ANK3: variants seen among roughly 807,000 people sequenced by gnomAD.
ANK3 encodes the protein ankyrin 3.
A neutral mutation model predicts 370.9 loss-of-function variants in ANK3; 57 were observed. The ratio of observed to expected loss-of-function variants is 0.15; its 90% CI spans 0.12 to 0.19. The LOEUF is 0.19. ANK3 is among the 10% of genes least tolerant of loss of function. The probability of loss-of-function intolerance (pLI) is 1.00; values close to 1 mark genes in which losing one functional copy is unlikely to be tolerated. For synonymous variants in ANK3, 1,929 were observed against 1,946.3 expected (o/e 0.99, Z 0.23); for missense variants, 4,439 against 5,302.1 (o/e 0.84, Z 5.06).
At chr10:60,571,054 G>GTTTTT in intron 2 of ANK3, among the ~76,000 whole-genome samples, 1 of 99,046 alleles carries the variant, frequency 1.0e-5, no homozygotes, top group Non-Finnish European at 2.1e-5. Context: ...AAACCTGACA[G>GTTTTT]GTTTTTTTTT....
chr10:60,313,517 C>A (rs888316939), intron 1 of ANK3, among the ~76,000 whole-genome samples: 3 of 152,132 alleles, frequency 2.0e-5, no homozygotes, highest in Non-Finnish European at 2.9e-5. Context: ...CAGCTTATCT[C>A]TTTGCCTGTC....
intron 2 of ANK3, among the ~76,000 whole-genome samples, chr10:60,517,932 A>T (rs1196904272): frequency 6.6e-6 from 1 of 152,104 alleles, no homozygotes; most frequent in East Asian, 1.9e-4. Flanking sequence ...AAACTCAGCC[A>T]AGTTGCTTAA....
chr10:60,450,355 A>AT (rs1265531962), intron 2 of ANK3, among the ~76,000 whole-genome samples: 1 of 152,154 alleles, frequency 6.6e-6, no homozygotes, highest in African/African-American at 2.4e-5. Flanking sequence ...GCCACTTTCC[A>AT]TGATGTAAAT....
chr10:60,490,473 A>G (rs560960612), intron 2 of ANK3, among the ~76,000 whole-genome samples: 1 of 148,308 alleles, frequency 6.7e-6, no homozygotes, highest in South Asian at 2.2e-4. Flanking sequence ...TTCCCTGTGA[A>G]AAATCAGGAA....
At chr10:60,148,328 C>T (rs1046370027) in intron 23 of ANK3, among the ~76,000 whole-genome samples, 2 of 151,970 alleles carry the variant, frequency 1.3e-5, no homozygotes, top group African/African-American at 4.8e-5. Context: ...TGTTTATTAA[C>T]CCAAACAAGA....
chr10:60,492,706 C>CAAA (rs764367710), intron 2 of ANK3, among the ~76,000 whole-genome samples: 41 of 57,422 alleles, frequency 7.1e-4, no homozygotes, highest in South Asian at 2.2e-3. Context: ...GACTCTGTCT[C>CAAA]AAAAAAAAAA....
At chr10:60,251,050 T>C (rs1366470000) in intron 7 of ANK3, among the ~76,000 whole-genome samples, 1 of 152,234 alleles carries the variant, frequency 6.6e-6, no homozygotes, top group Non-Finnish European at 1.5e-5. Flanking sequence ...TTTGTACAAG[T>C]TATGGAACTT....
chr10:60,666,228 A>G (rs1410501021), intron 1 of ANK3, among the ~76,000 whole-genome samples: 3 of 152,234 alleles, frequency 2.0e-5, no homozygotes, highest in African/African-American at 7.2e-5. Context: ...TAACAAGAAA[A>G]GAAATTGTGA....
chr10:60,493,079 C>CAAAAA (rs1268736795), intron 2 of ANK3, among the ~76,000 whole-genome samples: 32 of 121,396 alleles, frequency 2.6e-4, no homozygotes, highest in Non-Finnish European at 2.9e-4. Context: ...GACTCCTTCT[C>CAAAAA]AAAAAAAAAA....
intron 43 of ANK3, among the ~76,000 whole-genome samples, chr10:60,037,820 T>C (rs978866408): frequency 6.6e-6 from 1 of 152,200 alleles, no homozygotes; most frequent in African/African-American, 2.4e-5. Context: ...AATAATGGGA[T>C]TGCTGGGTTG....
Position 60,073,817 on chromosome 10 carries a change from T to C in ANK3, c.7064A>G (p.Glu2355Gly). Residue 2355 changes from glutamate to glycine, a missense_variant, in exon 37 of 44, where the codon GAA (glutamate) becomes GGA (glycine). Coordinates refer to ENST00000280772, the MANE Select transcript of ANK3 (RefSeq NM_020987.5). ...TTTCTGATATACATACATTTCTTTT[T>C]CTGGATGCTTTTTGGTTTCTCTAAT... ...VIIRETKKHP[E>G]KEMYVYQKDL... The C allele has an allele frequency of 6.2e-7, 1 of 1,613,582 alleles. No homozygotes were observed. Among genetic ancestry groups the C allele is most frequent in the Non-Finnish European group, 8.5e-7 (1 of 1,179,994 alleles).
intron 2 of ANK3, among the ~76,000 whole-genome samples, chr10:60,440,860 T>C (rs1305962776): frequency 6.6e-6 from 1 of 152,194 alleles, no homozygotes; most frequent in Non-Finnish European, 1.5e-5. Flanking sequence ...TGAGGTGGCA[T>C]ATAGCCTCAA....
chr10:60,601,929 T>G (rs1041360154), intron 2 of ANK3, among the ~76,000 whole-genome samples: 1 of 152,168 alleles, frequency 6.6e-6, no homozygotes, highest in Non-Finnish European at 1.5e-5. Context: ...ATATATTTAT[T>G]GATATGCTCA....
intron 2 of ANK3, among the ~76,000 whole-genome samples, chr10:60,590,190 G>A (rs1049439001): frequency 7.2e-5 from 11 of 152,072 alleles, no homozygotes; most frequent in South Asian, 2.1e-4. Flanking sequence ...ATCCAATATC[G>A]TAGCCACCAG....
At chr10:60,709,912 T>C (rs1033916677) in intron 1 of ANK3, among the ~76,000 whole-genome samples, 21 of 152,088 alleles carry the variant, frequency 1.4e-4, no homozygotes, top group African/African-American at 4.3e-4. Context: ...ATCAATATCA[T>C]AGGTTTACAA....
Position 60,108,692 on chromosome 10 carries a change from C to T in ANK3, c.3173+138G>A, listed in dbSNP as rs148913520. 6.7e-3 allele frequency: 4,763 copies of T among 708,960 alleles called. 34 individuals are homozygous for T. The highest frequency in any genetic ancestry group is 0.021 in the Middle Eastern group (55 of 2,618). 43.9% of individuals were successfully genotyped at this position (708,960 alleles called of 1,614,324 possible). On this transcript the variant is annotated intron_variant, in intron 27 of 43. Transcript: ENST00000280772. ...TTCACAGAATCACACAGCTTTGTGACCTTTGACACTTTACAAAAAGTATAC... is the reference window on the plus strand; with the variant it reads ...TTCACAGAATCACACAGCTTTGTGATCTTTGACACTTTACAAAAAGTATAC...
At chr10:60,570,324 G>A (rs957589678) in intron 2 of ANK3, among the ~76,000 whole-genome samples, 1 of 152,130 alleles carries the variant, frequency 6.6e-6, no homozygotes, top group Non-Finnish European at 1.5e-5. Context: ...TGTGTTAAGT[G>A]TCCAGACAGT....
intron 1 of ANK3, among the ~76,000 whole-genome samples, chr10:60,730,924 C>T (rs1337039810): frequency 6.6e-6 from 1 of 152,200 alleles, no homozygotes; most frequent in African/African-American, 2.4e-5. Flanking sequence ...GATAGTTGGA[C>T]TTGTCAGTTT....
At chr10:60,186,983 G>A (rs1249821999) in intron 16 of ANK3, 71 bp from the exon 17 acceptor site, 6 of 1,415,654 alleles carry the variant, frequency 4.2e-6, no homozygotes, top group African/African-American at 2.8e-5. Context: ...TTTTCAAATA[G>A]TTTATGTCTC....
Sources: gnomAD v4.1 joint callset for allele counts (sites outside exome capture counted in the v4.1 genomes callset) on GRCh38, gnomAD v4.1.1 for gene constraint, MANE v1.5 for transcripts, NCBI Gene and HGNC (gene_info 2026-07-23, HGNC 2026-07-21) for gene names.